The following ATRNL1 variants were observed in gnomAD, a reference collection of about 807,000 sequenced individuals.
ATRNL1 encodes attractin-like protein 1.
ATRNL1 carries 95 observed loss-of-function variants against 182.7 expected under a neutral mutation model. That is an observed-to-expected ratio of 0.52 (90% CI 0.44 to 0.62). ATRNL1 has a LOEUF of 0.62. ATRNL1 is among the 20% of genes least tolerant of loss of function. ATRNL1 has a pLI of 0.00. For missense variants in ATRNL1, 1,471 were observed against 1,679.5 expected (o/e 0.88, Z 2.17); for synonymous variants, 576 against 568.3 (o/e 1.01, Z -0.19).
intron 27 of ATRNL1, among the ~76,000 whole-genome samples, chr10:115,787,703 C>A (rs535393254): frequency 7.2e-5 from 11 of 152,230 alleles, no homozygotes; most frequent in African/African-American, 2.4e-4. Flanking sequence ...TTCAGCACCC[C>A]ATTTCCCCCA....
intron 9 of ATRNL1, among the ~76,000 whole-genome samples, chr10:115,235,866 T>G (rs1427878146): frequency 6.6e-6 from 1 of 152,220 alleles, no homozygotes; most frequent in Non-Finnish European, 1.5e-5. Flanking sequence ...ATAGTTTTAA[T>G]ACCCATTGAT....
intron 5 of ATRNL1, among the ~76,000 whole-genome samples, chr10:115,135,120 G>A (rs1271799890): frequency 7.9e-5 from 12 of 151,890 alleles, no homozygotes; most frequent in African/African-American, 1.9e-4. Context: ...CTTTGAAAAC[G>A]GGCACAAGAC....
At chr10:115,100,446 A>G (rs2143416927) in intron 1 of ATRNL1, among the ~76,000 whole-genome samples, 1 of 151,838 alleles carries the variant, frequency 6.6e-6, no homozygotes, top group East Asian at 1.9e-4. Flanking sequence ...ATATGGGGAG[A>G]GGTATGGATC....
At chr10:115,582,027 G>C (rs1555007744) in intron 26 of ATRNL1, among the ~76,000 whole-genome samples, 1 of 151,260 alleles carries the variant, frequency 6.6e-6, no homozygotes, top group African/African-American at 2.4e-5. Context: ...AGTTTACTGA[G>C]AATGATGATT....
intron 15 of ATRNL1, 55 bp from the exon 16 acceptor site, chr10:115,299,979 T>C: frequency 1.5e-6 from 2 of 1,291,630 alleles, no homozygotes; most frequent in South Asian, 2.5e-5. Context: ...CTAAGGAATA[T>C]GCCATATTTT....
At chr10:115,125,475 G>T (rs1298086617) in intron 3 of ATRNL1, among the ~76,000 whole-genome samples, 2 of 151,926 alleles carry the variant, frequency 1.3e-5, no homozygotes, top group African/African-American at 2.4e-5. Flanking sequence ...TGTGGAGAAT[G>T]CATTGGAATG....
Position 115,683,032 on chromosome 10 carries a change from T to C in ATRNL1, c.3796-44216T>C, listed in dbSNP as rs182109616. Among the ~76,000 whole-genome samples, 650 of 152,208 alleles carry C rather than the reference T, an allele frequency of 4.3e-3. 2 individuals carry two copies. The highest frequency in any genetic ancestry group is 9.7e-3 in the African/African-American group (405 of 41,546). On this transcript the variant is annotated intron_variant, in intron 26 of 28. Transcript: ENST00000355044. ...GGATGGGGAAACAATCAAAAACTTT[T>C]CTCATAAGGCTATTATTAAGTACAT...
chr10:115,854,316 C>G (rs1555101297), intron 28 of ATRNL1, among the ~76,000 whole-genome samples: 1 of 152,200 alleles, frequency 6.6e-6, no homozygotes, highest in East Asian at 1.9e-4. Context: ...CACTTCACCT[C>G]CCCACCTTCT....
intron 28 of ATRNL1, among the ~76,000 whole-genome samples, chr10:115,910,452 A>T (rs542346833): frequency 6.6e-6 from 1 of 152,004 alleles, no homozygotes; most frequent in African/African-American, 2.4e-5. Context: ...CCTGACCACT[A>T]TACATGCTGC....
intron 28 of ATRNL1, among the ~76,000 whole-genome samples, chr10:115,848,885 G>T (rs1950990554): frequency 6.6e-6 from 1 of 152,152 alleles, no homozygotes; most frequent in Non-Finnish European, 1.5e-5. Flanking sequence ...AAAATAAAAT[G>T]CCAGCAAGCT....
rs78791687 is a variant in ATRNL1, at chr10:115,844,564, A to G, written c.3904-3313A>G. On this transcript the variant is annotated intron_variant, in intron 27 of 28. Coordinates refer to ENST00000355044, the MANE Select transcript of ATRNL1 (RefSeq NM_207303.4). ...AAAAATAGAAAGCATTTAATATAGA[A>G]TTTTTGCCCCTAAAACAGCAACTTG... Among the ~76,000 whole-genome samples, 768 of 152,138 alleles carry G rather than the reference A, an allele frequency of 5.0e-3. 8 individuals are homozygous for G. The highest frequency in any genetic ancestry group is 0.034 in the Middle Eastern group (10 of 294).
At chr10:115,125,502 T>A (rs956180032) in intron 3 of ATRNL1, among the ~76,000 whole-genome samples, 4 of 152,106 alleles carry the variant, frequency 2.6e-5, no homozygotes, top group Non-Finnish European at 5.9e-5. Context: ...TGTTATTTTT[T>A]TTTTTTTTTA....
rs61865189 is a variant in ATRNL1, at chr10:115,871,260, C to T, written c.4018+23269C>T. On this transcript the variant is annotated intron_variant, in intron 28 of 28. Coordinates refer to ENST00000355044, the MANE Select transcript of ATRNL1 (RefSeq NM_207303.4). Reference sequence around the variant, plus strand: ...TTCCCCTTTACACTAAGGCATTATTCCCATAATCTTACAAATTTCCCATAA... The same window carrying T: ...TTCCCCTTTACACTAAGGCATTATTTCCATAATCTTACAAATTTCCCATAA... 7.3e-3 allele frequency among the ~76,000 whole-genome samples: 1,111 copies of T among 151,898 alleles called. 6 individuals are homozygous for T. Among genetic ancestry groups the T allele is most frequent in the Non-Finnish European group, 0.013 (874 of 67,922 alleles).
At chr10:115,265,799 T>C (rs1382782844) in intron 11 of ATRNL1, among the ~76,000 whole-genome samples, 1 of 151,860 alleles carries the variant, frequency 6.6e-6, no homozygotes, top group Non-Finnish European at 1.5e-5. Context: ...TTTAAGTTAA[T>C]ATAATTTTTG....
intron 25 of ATRNL1, among the ~76,000 whole-genome samples, chr10:115,539,683 C>A (rs573392088): frequency 6.6e-6 from 1 of 152,282 alleles, no homozygotes; most frequent in South Asian, 2.1e-4. Flanking sequence ...TTCACTCACC[C>A]ATACCCCAGG....
At chr10:115,382,000 A>G (rs1237052709) in intron 19 of ATRNL1, among the ~76,000 whole-genome samples, 1 of 152,070 alleles carries the variant, frequency 6.6e-6, no homozygotes, top group African/African-American at 2.4e-5. Flanking sequence ...ACAAGAATCA[A>G]TTGGCCATAA....
At chr10:115,660,144 T>C (rs11591491) in intron 26 of ATRNL1, among the ~76,000 whole-genome samples, 43,084 of 151,982 alleles carry the variant, frequency 0.28, 7,588 homozygotes, top group East Asian at 0.7. Flanking sequence ...CCAATGTATA[T>C]TCACCTGGTG....
chr10:115,387,800 T>C (rs1843744055), intron 19 of ATRNL1, among the ~76,000 whole-genome samples: 1 of 152,238 alleles, frequency 6.6e-6, no homozygotes, highest in Non-Finnish European at 1.5e-5. Flanking sequence ...TTCCATTGTA[T>C]GGATATTTTA....
intron 26 of ATRNL1, among the ~76,000 whole-genome samples, chr10:115,556,188 C>T (rs1011545076): frequency 2.2e-4 from 33 of 151,994 alleles, no homozygotes; most frequent in African/African-American, 6.5e-4. Context: ...GTACCACTTA[C>T]GAAGAAAACA....
Sources: gnomAD v4.1 joint callset for allele counts (sites outside exome capture counted in the v4.1 genomes callset) on GRCh38, gnomAD v4.1.1 for gene constraint, MANE v1.5 for transcripts, NCBI Gene and HGNC (gene_info 2026-07-23, HGNC 2026-07-21) for gene names.